LRRTM4: variants seen among roughly 807,000 people sequenced by gnomAD.
LRRTM4 encodes leucine rich repeat transmembrane neuronal 4, also known as leucine-rich repeat transmembrane neuronal protein 4.
LRRTM4 carries 25 observed loss-of-function variants against 47.6 expected under a neutral mutation model. The observed-to-expected ratio is 0.53, with a 90% CI of 0.38 to 0.73. The LOEUF (loss-of-function observed/expected upper bound fraction) is 0.73, where lower values mean the gene tolerates loss of function less well. LRRTM4 is among the 30% of genes least tolerant of loss of function. The probability of loss-of-function intolerance (pLI) is 0.00; values close to 1 mark genes in which losing one functional copy is unlikely to be tolerated. For missense variants in LRRTM4, 638 were observed against 713.4 expected, an observed-to-expected ratio of 0.89 and a Z score of 1.20; for synonymous variants, 311 against 269.5, an observed-to-expected ratio of 1.15 and a Z score of -1.51.
intron 3 of LRRTM4, among the ~76,000 whole-genome samples, chr2:77,431,700 T>TA (rs1675381997): frequency 6.7e-6 from 1 of 149,154 alleles, no homozygotes; most frequent in Non-Finnish European, 1.5e-5. Context: ...TCAAATAACT[T>TA]ACGTGCTTCC....
chr2:77,370,229 G>T (rs1672609944), intron 3 of LRRTM4, among the ~76,000 whole-genome samples: 1 of 151,544 alleles, frequency 6.6e-6, no homozygotes, highest in African/African-American at 2.4e-5. Flanking sequence ...TTACAACCTG[G>T]CATTTCCAGA....
chr2:77,197,323 T>C (rs1673856749), intron 3 of LRRTM4, among the ~76,000 whole-genome samples: 1 of 152,150 alleles, frequency 6.6e-6, no homozygotes, highest in Non-Finnish European at 1.5e-5. Context: ...TAGTAAGATA[T>C]ATTAGTGAAC....
At chr2:77,093,479 T>A (rs1329001044) in intron 3 of LRRTM4, among the ~76,000 whole-genome samples, 1 of 151,022 alleles carries the variant, frequency 6.6e-6, no homozygotes, top group Non-Finnish European at 1.5e-5. Flanking sequence ...TATCACCCCT[T>A]ACACAAGACT....
intron 3 of LRRTM4, among the ~76,000 whole-genome samples, chr2:77,065,939 G>C (rs1459971216): frequency 6.6e-6 from 1 of 152,140 alleles, no homozygotes; most frequent in Non-Finnish European, 1.5e-5. Flanking sequence ...CAAGCACACA[G>C]ATAATGCTTA....
At chr2:76,928,623 A>T (rs1230147806) in intron 3 of LRRTM4, among the ~76,000 whole-genome samples, 1 of 152,158 alleles carries the variant, frequency 6.6e-6, no homozygotes, top group East Asian at 1.9e-4. Flanking sequence ...TGCTGGTGAG[A>T]TGGGCATTCA....
At chr2:76,816,325 C>T (rs566762771) in intron 3 of LRRTM4, among the ~76,000 whole-genome samples, 14 of 152,116 alleles carry the variant, frequency 9.2e-5, no homozygotes, top group Admixed American at 4.6e-4. Context: ...TGCATCTCAC[C>T]GACATCTGAA....
chr2:76,914,561 G>T (rs1674181033), intron 3 of LRRTM4, among the ~76,000 whole-genome samples: 1 of 152,080 alleles, frequency 6.6e-6, no homozygotes, highest in Non-Finnish European at 1.5e-5. Flanking sequence ...TAAAGAGATT[G>T]TCATATTGTG....
intron 3 of LRRTM4, among the ~76,000 whole-genome samples, chr2:77,126,152 T>C (rs1443765618): frequency 6.6e-6 from 1 of 151,930 alleles, no homozygotes; most frequent in Non-Finnish European, 1.5e-5. Context: ...CACTCAATTA[T>C]TTTTTTCAAA....
chr2:77,248,398 G>T (rs1675507911), intron 3 of LRRTM4, among the ~76,000 whole-genome samples: 1 of 151,794 alleles, frequency 6.6e-6, no homozygotes, highest in South Asian at 2.1e-4. Context: ...AATCAAACAA[G>T]AACTAAATAA....
intron 3 of LRRTM4, among the ~76,000 whole-genome samples, chr2:76,864,892 T>G (rs7564872): frequency 3.9e-3 from 110 of 28,238 alleles, no homozygotes; most frequent in South Asian, 0.012. Context: ...ACTTCAGCTG[T>G]TTTTTTTTTT....
intron 3 of LRRTM4, among the ~76,000 whole-genome samples, chr2:76,785,008 T>C (rs530493256): frequency 4.2e-4 from 64 of 152,242 alleles, no homozygotes; most frequent in African/African-American, 1.5e-3. Context: ...AAATTTCATA[T>C]GGAAAACTTT....
rs762830397 is a variant in LRRTM4, at chr2:77,518,481, A to C, written c.1388T>G (p.Met463Arg). Residue 463 changes from methionine (M) to arginine (R), a missense_variant, in exon 3 of 4, where the codon ATG becomes AGG. Coordinates refer to ENST00000409884, the MANE Select transcript of LRRTM4 (RefSeq NM_001134745.3). Reference sequence around the variant, plus strand: ...TCTGGCCTTTTTCCGCCGCCTCTTCATAAGAGAGTGTTGCTGGAGTTGTTT... The same window carrying C: ...TCTGGCCTTTTTCCGCCGCCTCTTCCTAAGAGAGTGTTGCTGGAGTTGTTT... ...SMKQLQQHSLMKRRRKKARES... is the reference protein window; with the variant it reads ...SMKQLQQHSLRKRRRKKARES... 4 of 1,613,434 alleles carry C rather than the reference A, an allele frequency of 2.5e-6. No homozygotes were observed. The highest frequency in any genetic ancestry group is 1.1e-5 in the South Asian group (1 of 91,072).
rs184520238 is a variant in LRRTM4, at chr2:76,767,484, T to C, written c.1552-18568A>G. Among the ~76,000 whole-genome samples the C allele has an allele frequency of 3.9e-5, 6 of 152,298 alleles. No individual in the cohort carries two copies. In the East Asian group the frequency reaches 1.2e-3, roughly 29 times the overall value. ...GTGAAATGACTTGCCCAAGATCACA[T>C]ACTGAAAGTGGTTCTTAAGACTTGT... On this transcript the variant is annotated intron_variant, in intron 3 of 3. Coordinates refer to ENST00000409884, the MANE Select transcript of LRRTM4 (RefSeq NM_001134745.3).
intron 3 of LRRTM4, among the ~76,000 whole-genome samples, chr2:77,221,979 G>A (rs189312642): frequency 0.2 from 29,979 of 151,790 alleles, 5,739 homozygotes; most frequent in African/African-American, 0.49. Flanking sequence ...CAGCAAATGT[G>A]AAAGAACAGA....
At chr2:76,897,056 T>C (rs1226129844) in intron 3 of LRRTM4, among the ~76,000 whole-genome samples, 9 of 151,962 alleles carry the variant, frequency 5.9e-5, no homozygotes. Context: ...ACTCGTAGCT[T>C]ATTTAAATTT....
chr2:77,185,946 G>T (rs1033130677), intron 3 of LRRTM4, among the ~76,000 whole-genome samples: 1 of 152,122 alleles, frequency 6.6e-6, no homozygotes, highest in South Asian at 2.1e-4. Flanking sequence ...GTGAGATTAT[G>T]TTTGTGAACC....
chr2:77,069,842 G>A (rs6722541), intron 3 of LRRTM4, among the ~76,000 whole-genome samples: 23,108 of 151,988 alleles, frequency 0.15, 2,613 homozygotes, highest in East Asian at 0.42. Context: ...TATCATTTTC[G>A]CATTTTAGTT....
At chr2:76,889,142 A>G (rs2104146111) in intron 3 of LRRTM4, among the ~76,000 whole-genome samples, 1 of 152,026 alleles carries the variant, frequency 6.6e-6, no homozygotes, top group East Asian at 1.9e-4. Context: ...GAGGAAACGT[A>G]AAAAGATTTG....
At chr2:77,067,866 C>T (rs535746680) in intron 3 of LRRTM4, among the ~76,000 whole-genome samples, 6 of 151,954 alleles carry the variant, frequency 3.9e-5, no homozygotes, top group Non-Finnish European at 7.4e-5. Context: ...ATAATACATA[C>T]AATTGTGAAT....
Sources: allele counts gnomAD v4.1 joint callset (sites outside exome capture counted in the v4.1 genomes callset), GRCh38; gene constraint gnomAD v4.1.1; transcripts MANE v1.5; gene names NCBI Gene and HGNC (gene_info 2026-07-23, HGNC 2026-07-21).